The following NACC2 variants were observed in gnomAD, a reference collection of about 807,000 sequenced individuals.
The protein encoded by NACC2 is NACC family member 2.
In NACC2, 8 loss-of-function variants were observed where a neutral mutation model predicts 25.1. The observed-to-expected ratio is 0.32, with a 90% confidence interval of 0.19 to 0.57. NACC2 has a LOEUF of 0.57. Among genes scored for constraint, NACC2 ranks in the 20% least tolerant of loss-of-function variants. NACC2 has a pLI of 0.89. For missense variants in NACC2, 644 were observed against 650.2 expected, an observed-to-expected ratio of 0.99 and a Z score of 0.10; for synonymous variants, 435 against 294.7, an observed-to-expected ratio of 1.48 and a Z score of -4.88.
chr9:136,032,017 AC>A (rs11286661), intron 2 of NACC2, among the ~76,000 whole-genome samples: 22,085 of 150,284 alleles, frequency 0.15, 1,937 homozygotes, highest in African/African-American at 0.25. Flanking sequence ...CCTCGGCAGC[AC>A]CCCTGGTGAT....
chr9:136,094,908 CGCGCG>C (rs887668650), intron 1 of NACC2, among the ~76,000 whole-genome samples: 14 of 149,546 alleles, frequency 9.4e-5, no homozygotes, highest in Non-Finnish European at 1.6e-4. Flanking sequence ...TCTCCCCGAA[CGCGCG>C]GCGCGGCGTC....
At position 136,078,158 on chromosome 9, in the gene NACC2, G is replaced by A. The variant is rs542069860; in HGVS notation, c.-60+17031C>T. On this transcript the variant is annotated intron_variant, in intron 1 of 5. Coordinates refer to ENST00000277554, the MANE Select transcript of NACC2 (RefSeq NM_144653.5). ...TTACAGACACAGTGGTAGAGAGTGG[G>A]ATGGACCAGGCACCCACTCAAACCC... 3.2e-4 allele frequency among the ~76,000 whole-genome samples: 48 copies of A among 152,308 alleles called. No homozygotes were observed. The South Asian group carries it at 3.9e-3, about 13-fold the overall frequency.
At chr9:136,065,529 A>G (rs545996600) in intron 1 of NACC2, among the ~76,000 whole-genome samples, 2 of 152,368 alleles carry the variant, frequency 1.3e-5, no homozygotes, top group Admixed American at 6.5e-5. Context: ...TTGAGGCAGG[A>G]TAATTGCTTG....
chr9:136,057,372 G>C (rs1213268256), intron 1 of NACC2, among the ~76,000 whole-genome samples: 1 of 152,168 alleles, frequency 6.6e-6, no homozygotes, highest in African/African-American at 2.4e-5. Flanking sequence ...TCGAAGGGTG[G>C]GGAGGGACAG....
chr9:136,075,667 G>C (rs142787602), intron 1 of NACC2, among the ~76,000 whole-genome samples: 1 of 152,242 alleles, frequency 6.6e-6, no homozygotes, highest in Non-Finnish European at 1.5e-5. Flanking sequence ...TGCTGATGCT[G>C]TCCTGAGCTC....
intron 2 of NACC2, among the ~76,000 whole-genome samples, chr9:136,045,408 A>ATCGTCACGGGCCCACGGG (rs1588569474): frequency 2.0e-5 from 3 of 151,926 alleles, no homozygotes; most frequent in Non-Finnish European, 4.4e-5. Context: ...GGAAAGGGTT[A>ATCGTCACGGGCCCACGGG]CCGTGGAAGT....
Position 136,011,738 on chromosome 9 carries a change from C to T in NACC2, c.1542G>A (p.Val514=). Residue 514 remains valine, a synonymous_variant, in exon 6 of 6, where the codon GTG becomes GTA. Transcript: ENST00000277554. ...ATIVALRTDA[V]NVDLSAAANP... Reference sequence around the variant, plus strand: ...TGGCGGCGGCACTCAGGTCAACATTCACGGCGTCAGTTCTCAGAGCCACGA... The same window carrying T: ...TGGCGGCGGCACTCAGGTCAACATTTACGGCGTCAGTTCTCAGAGCCACGA... 1 of 1,538,502 alleles carries T rather than the reference C, an allele frequency of 6.5e-7. No homozygotes were observed. The highest frequency in any genetic ancestry group is 1.2e-5 in the South Asian group (1 of 81,626).
intron 2 of NACC2, among the ~76,000 whole-genome samples, chr9:136,030,242 A>C (rs1840454290): frequency 6.6e-6 from 1 of 152,116 alleles, no homozygotes; most frequent in Admixed American, 6.5e-5. Context: ...GGCTGTACAA[A>C]AACAGGACAC....
chr9:136,093,491 C>A (rs537597996), intron 1 of NACC2, among the ~76,000 whole-genome samples: 9 of 152,344 alleles, frequency 5.9e-5, no homozygotes, highest in Admixed American at 3.3e-4. Context: ...TCCCCGCCTT[C>A]CCGCCAGGCC....
rs368259178 is a variant in NACC2, at chr9:136,018,496, A to T, written c.887-2067T>A. ...AACCATGCGGGGTCTGAAACCACCC[A>T]CCCTGGAGTCACCCTGACACTCCCT... is the stretch of plus-strand genomic sequence containing the variant. On this transcript the variant is annotated intron_variant, in intron 2 of 5. Transcript: ENST00000277554. This position sits in a 1 kb window ranked among gnomAD's most constrained non-coding sequence, Gnocchi z 4.4. 1.3e-5 allele frequency among the ~76,000 whole-genome samples: 2 copies of T among 152,050 alleles called. No individual in the cohort carries two copies. The highest frequency in any genetic ancestry group is 4.8e-5 in the African/African-American group (2 of 41,466).
Position 136,084,005 on chromosome 9 carries a change from C to G in NACC2, c.-60+11184G>C, listed in dbSNP as rs1830352856. On this transcript the variant is annotated intron_variant, in intron 1 of 5. Transcript: ENST00000277554. The surrounding 1 kb of genome is among the most constrained non-coding windows in gnomAD (Gnocchi z 5.1). ...ATCACTGGGTGGGGAGACCCAAGAC[C>G]TGGCCACAACCCCATCTCCTAGTTC... Among the ~76,000 whole-genome samples the G allele has an allele frequency of 6.6e-6, 1 of 152,158 alleles. No homozygotes were observed. The highest frequency in any genetic ancestry group is 6.5e-5 in the Admixed American group (1 of 15,282).
At chr9:136,023,438 C>T (rs996443184) in intron 2 of NACC2, among the ~76,000 whole-genome samples, 1 of 152,130 alleles carries the variant, frequency 6.6e-6, no homozygotes, top group East Asian at 1.9e-4. Flanking sequence ...CAAACCTGGC[C>T]CCTGCCCTGC....
intron 2 of NACC2, among the ~76,000 whole-genome samples, chr9:136,028,234 C>T (rs1247366160): frequency 6.6e-6 from 1 of 150,708 alleles, no homozygotes; most frequent in Non-Finnish European, 1.5e-5. Context: ...AAAAAATTGA[C>T]ACCATTAAGG....
chr9:136,016,033 C>G (rs1476836110), intron 3 of NACC2, among the ~76,000 whole-genome samples: 1 of 152,126 alleles, frequency 6.6e-6, no homozygotes, highest in East Asian at 1.9e-4. Context: ...GTGATTGCAG[C>G]CCCTGCCAAT....
chr9:136,029,446 C>G (rs1203363046), intron 2 of NACC2, among the ~76,000 whole-genome samples: 1 of 152,186 alleles, frequency 6.6e-6, no homozygotes, highest in Non-Finnish European at 1.5e-5. Context: ...TTCCTGGATG[C>G]GGAACAAGAA....
rs1564213098 is a variant in NACC2, at chr9:136,007,557, A to C, written c.*3959T>G. On this transcript the variant is annotated 3_prime_UTR_variant, in exon 6 of 6. Coordinates refer to ENST00000277554, the MANE Select transcript of NACC2 (RefSeq NM_144653.5). ...CGTGCACACACAGACACGCACACAC[A>C]CACAGACACGCGCACACGCACACTC... 6.6e-6 allele frequency: 1 copy of C among 151,932 alleles called. No homozygotes were observed. Among genetic ancestry groups the C allele is most frequent in the Non-Finnish European group, 1.5e-5 (1 of 67,988 alleles). 9.4% of individuals were successfully genotyped at this position (151,932 alleles called of 1,614,324 possible).
intron 5 of NACC2, among the ~76,000 whole-genome samples, chr9:136,012,713 C>T (rs889229790): frequency 2.7e-5 from 4 of 149,014 alleles, no homozygotes; most frequent in Non-Finnish European, 4.4e-5. Flanking sequence ...CTTCTTGGGC[C>T]GAGGGCCACA....
At chr9:136,088,909 A>G (rs1039038073) in intron 1 of NACC2, among the ~76,000 whole-genome samples, 1 of 152,234 alleles carries the variant, frequency 6.6e-6, no homozygotes, top group African/African-American at 2.4e-5. Context: ...AGGAGACAGC[A>G]GGCAATTTGC....
chr9:136,041,076 G>GAAGC, intron 2 of NACC2, among the ~76,000 whole-genome samples: 1 of 95,690 alleles, frequency 1.0e-5, no homozygotes, highest in African/African-American at 3.4e-5. Flanking sequence ...AGGAAGGAAG[G>GAAGC]AAAGGAAGGA....
Sources: allele counts gnomAD v4.1 joint callset (sites outside exome capture counted in the v4.1 genomes callset), GRCh38; gene constraint gnomAD v4.1.1; non-coding constraint Gnocchi (gnomAD v3.1); transcripts MANE v1.5; gene names NCBI Gene and HGNC (gene_info 2026-07-23, HGNC 2026-07-21).